MINDY4B: variants seen among roughly 807,000 people sequenced by gnomAD.
The protein encoded by MINDY4B is MINDY family member 4B, also known as inactive ubiquitin carboxyl-terminal hydrolase MINDY-4B.
MINDY4B carries 25 observed loss-of-function variants against 16.7 expected under a neutral mutation model. That is an observed-to-expected ratio of 1.49 (90% confidence interval 1.09 to 2.09). The LOEUF is 2.09. Ranked by LOEUF, MINDY4B falls within the 30% of genes most tolerant of loss-of-function variation. The pLI, the probability that MINDY4B is intolerant of heterozygous loss-of-function variation, is 0.00. For missense variants in MINDY4B, 327 were observed against 168.4 expected (o/e 1.94, Z -5.21); for synonymous variants, 132 against 61.9 (o/e 2.13, Z -5.32).
In MINDY4B at chr3:150,890,346, T is replaced by A; in HGVS notation, c.727A>T (p.Lys243Ter). The A allele has an allele frequency of 3.2e-6, 2 of 634,050 alleles. No homozygotes were observed. The highest frequency in any genetic ancestry group is 2.8e-6 in the Non-Finnish European group (1 of 359,332). 39.3% of individuals were successfully genotyped at this position (634,050 alleles called of 1,614,324 possible). ...FEFLEKEAAEKFIYDHLLCFR... is the reference protein window; with the variant it reads ...FEFLEKEAAE Reference sequence around the variant, plus strand: ...CATAGTAAGTGATCGTAGATGAATTTCTCAGCGGCTTCTTTCTCTAAAAAT... The same window carrying A: ...CATAGTAAGTGATCGTAGATGAATTACTCAGCGGCTTCTTTCTCTAAAAAT... Residue 243 changes from lysine (K) to a stop codon, truncating the protein, a stop_gained, in exon 7 of 12, where the codon AAA (lysine) becomes TAA (stop). Transcript: ENST00000465419. LOFTEE classifies it high-confidence loss of function.
chr3:150,900,597 G>T (rs1414623986), intron 3 of MINDY4B, among the ~76,000 whole-genome samples: 1 of 152,136 alleles, frequency 6.6e-6, no homozygotes, highest in African/African-American at 2.4e-5. Flanking sequence ...AAGGACTCAT[G>T]ATCATCTGGC....
At chr3:150,894,540 C>T (rs1387476124) in intron 3 of MINDY4B, among the ~76,000 whole-genome samples, 1 of 152,186 alleles carries the variant, frequency 6.6e-6, no homozygotes, top group Non-Finnish European at 1.5e-5. Flanking sequence ...TGCAGTTCAC[C>T]GTGGCTGCTC....
At chr3:150,877,873 A>G (rs191496024) in intron 10 of MINDY4B, among the ~76,000 whole-genome samples, 1 of 152,318 alleles carries the variant, frequency 6.6e-6, no homozygotes, top group East Asian at 1.9e-4. Context: ...TAATTCTAAG[A>G]ACTGGCATTT....
chr3:150,882,429 T>G (rs1051326940), intron 10 of MINDY4B, among the ~76,000 whole-genome samples: 2 of 151,980 alleles, frequency 1.3e-5, no homozygotes, highest in African/African-American at 4.8e-5. Context: ...TTGAGCAATA[T>G]GTAGGCTGTG....
intron 7 of MINDY4B, among the ~76,000 whole-genome samples, chr3:150,885,793 T>C (rs1356359825): frequency 6.6e-6 from 1 of 152,150 alleles, no homozygotes; most frequent in Non-Finnish European, 1.5e-5. Flanking sequence ...GCCTCTTCTC[T>C]CCTCATGTCC....
chr3:150,891,034 A>G lies in MINDY4B; in HGVS notation c.591T>C (p.Ala197=), dbSNP rs1403939049. Residue 197 remains alanine (A), a synonymous_variant, in exon 6 of 12, where the codon GCT becomes GCC. Coordinates refer to ENST00000465419, the MANE Select transcript of MINDY4B (RefSeq NM_001351281.2). ...TGGTGGCCTTCTGAGCTGCTCCTGC[A>G]GCCCACAGGATGCCAGCAAGCGCCG... is the stretch of plus-strand genomic sequence containing the variant. ...LAAALAGILW[A]AGAAQKATIC... The G allele has an allele frequency of 1.4e-6, 1 of 702,858 alleles. No individual in the cohort carries two copies. The allele number at this position is 702,858 out of a possible 1,614,324, so 43.5% of individuals were successfully genotyped here.
At chr3:150,897,541 T>A (rs1712009153) in intron 3 of MINDY4B, among the ~76,000 whole-genome samples, 1 of 152,152 alleles carries the variant, frequency 6.6e-6, no homozygotes, top group Non-Finnish European at 1.5e-5. Flanking sequence ...CAGCTGTGCA[T>A]GGAGCAGGCC....
intron 11 of MINDY4B, among the ~76,000 whole-genome samples, chr3:150,872,409 C>T (rs1716991156): frequency 6.6e-6 from 1 of 152,192 alleles, no homozygotes; most frequent in Non-Finnish European, 1.5e-5. Flanking sequence ...AAGTCAGACA[C>T]AGTAATGCTC....
At chr3:150,900,875 G>A (rs145333346) in intron 3 of MINDY4B, among the ~76,000 whole-genome samples, 285 of 152,286 alleles carry the variant, frequency 1.9e-3, no homozygotes, top group South Asian at 0.013. Flanking sequence ...GCAAATGTCT[G>A]TGAATGCTTT....
Position 150,890,978 on chromosome 3 carries a change from G to C in MINDY4B, c.647C>G (p.Ala216Gly). ...ICLVTEDIYV[A>G]STPDYSVDNF... The stretch of plus-strand genomic sequence containing the variant: ...GTCCACAGAGTAGTCCGGAGTCGAC[G>C]CAACGTAAATGTCCTCAGTGACAAG... The change falls in exon 6 of 12, where the codon GCG (alanine) becomes GGG (glycine). Residue 216 changes from alanine (A) to glycine (G), a missense_variant. Physicochemically the swap from Ala to Gly is moderately conservative, Grantham distance 60. Transcript: ENST00000465419. The C allele has an allele frequency of 1.4e-6, 1 of 702,812 alleles. No homozygotes were observed. Among genetic ancestry groups the C allele is most frequent in the Non-Finnish European group, 2.6e-6 (1 of 384,840 alleles). 43.5% of individuals were successfully genotyped at this position (702,812 alleles called of 1,614,324 possible). A position where few individuals can be genotyped will look rare whatever the true frequency, so the allele number is the denominator to read the frequency against.
In MINDY4B at chr3:150,905,332, A is replaced by G. The variant is rs1330911530; in HGVS notation, c.108T>C (p.Tyr36=). ...AGAGAATGAGAACACCTTACCTGTG[A>G]TAACTAAAGATTTCCCTCCATTTGT... ...FLDKWREIFS[Y]HRLGTNNSTP... is the part of the protein sequence containing the mutation. The change falls in exon 1 of 12, where the codon TAT becomes TAC. Residue 36 remains tyrosine (Y), a synonymous_variant. Transcript: ENST00000465419. 1 of 398,454 alleles carries G rather than the reference A, an allele frequency of 2.5e-6. No individual in the cohort carries two copies. Among genetic ancestry groups the G allele is most frequent in the East Asian group, 3.6e-5 (1 of 28,096 alleles). The allele number at this position is 398,454 out of a possible 1,614,324, so 24.7% of individuals were successfully genotyped here.
intron 11 of MINDY4B, among the ~76,000 whole-genome samples, chr3:150,871,620 A>G (rs1298262354): frequency 6.6e-6 from 1 of 151,860 alleles, no homozygotes; most frequent in Non-Finnish European, 1.5e-5. Context: ...GGGCTGAGGC[A>G]GGTGGATCAT....
At chr3:150,891,767 A>G (rs1281161033) in intron 5 of MINDY4B, among the ~76,000 whole-genome samples, 1 of 144,428 alleles carries the variant, frequency 6.9e-6, no homozygotes, top group African/African-American at 2.5e-5. Context: ...ATCTCAAAAA[A>G]AAAAAAAAAA....
rs569440554 is a variant in MINDY4B, at chr3:150,886,708, T to A, written c.754-1270A>T. 2.9e-4 allele frequency among the ~76,000 whole-genome samples: 44 copies of A among 152,316 alleles called. No individual in the cohort carries two copies. In the South Asian group the frequency reaches 8.3e-3, roughly 29 times the overall value. On this transcript the variant is annotated intron_variant, in intron 7 of 11. Transcript: ENST00000465419. ...GAAGTCACCCTCATTCCTTGGCTAG[T>A]GGCCCCACATCACATAACCCTCCTC...
At chr3:150,882,232 G>T (rs932049593) in intron 10 of MINDY4B, among the ~76,000 whole-genome samples, 1 of 152,142 alleles carries the variant, frequency 6.6e-6, no homozygotes, top group African/African-American at 2.4e-5. Context: ...GGGTATATTT[G>T]CTTTGTCACT....
At chr3:150,872,225 AAAC>A (rs1175950935) in intron 11 of MINDY4B, among the ~76,000 whole-genome samples, 7 of 152,262 alleles carry the variant, frequency 4.6e-5, no homozygotes, top group Non-Finnish European at 8.8e-5. Flanking sequence ...GTTGAGGTAG[AAAC>A]AACAATATAT....
At chr3:150,890,684 G>C in intron 6 of MINDY4B, 1 of 504,564 alleles carries the variant, frequency 2.0e-6, no homozygotes, top group South Asian at 3.4e-5. Context: ...AGTGGATATG[G>C]AAATATCATT....
At chr3:150,875,042 T>G (rs149595923) in intron 10 of MINDY4B, among the ~76,000 whole-genome samples, 278 of 152,320 alleles carry the variant, frequency 1.8e-3, no homozygotes, top group African/African-American at 6.5e-3. Context: ...AGGTACAGGA[T>G]TTGTTGGAGT....
At chr3:150,890,669 C>T (rs919421158) in intron 6 of MINDY4B, 16 of 496,354 alleles carry the variant, frequency 3.2e-5, no homozygotes, top group Middle Eastern at 1.0e-3. Flanking sequence ...AGCTGTCTTT[C>T]GGACAGTGGA....
Sources: allele counts gnomAD v4.1 joint callset (sites outside exome capture counted in the v4.1 genomes callset), GRCh38; gene constraint gnomAD v4.1.1; transcripts MANE v1.5; gene names NCBI Gene and HGNC (gene_info 2026-07-23, HGNC 2026-07-21).